FGF12: variants seen among roughly 807,000 people sequenced by gnomAD.
FGF12 encodes fibroblast growth factor 12, also known as fibroblast growth factor 12B.
Under a neutral mutation model 23.6 loss-of-function variants are expected in FGF12, and 14 were observed. The ratio of observed to expected loss-of-function variants is 0.59; its 90% CI spans 0.39 to 0.93. The LOEUF is 0.93. Among genes scored for constraint, FGF12 ranks in the 40% least tolerant of loss-of-function variants. The pLI, the probability that FGF12 is intolerant of heterozygous loss-of-function variation, is 0.00. For synonymous variants in FGF12, 62 were observed against 77.3 expected (o/e 0.80, Z 1.04); for missense variants, 175 against 217.8 (o/e 0.80, Z 1.24).
intron 2 of FGF12, among the ~76,000 whole-genome samples, chr3:192,470,506 G>A (rs111307310): frequency 2.2e-4 from 34 of 152,044 alleles, no homozygotes; most frequent in African/African-American, 7.2e-4. Flanking sequence ...CTCCTGCCTC[G>A]GCCCCCCGAA....
In FGF12 at chr3:192,632,922, C is replaced by T. The variant is rs1332228359; in HGVS notation, c.13+94259G>A. Reference sequence around the variant, plus strand: ...TATTCCATGCCTCTCTCCTAGCTTCCGGTGGTTGCAGGCAATACTTGGTGT... The same window carrying T: ...TATTCCATGCCTCTCTCCTAGCTTCTGGTGGTTGCAGGCAATACTTGGTGT... On this transcript the variant is annotated intron_variant, in intron 2 of 5. Transcript: ENST00000445105. Among the ~76,000 whole-genome samples, 8 of 152,200 alleles carry T rather than the reference C, an allele frequency of 5.3e-5. No individual in the cohort carries two copies. The South Asian group carries it at 1.2e-3, about 24-fold the overall frequency.
At chr3:192,159,515 A>G (rs1380478004) in intron 5 of FGF12, among the ~76,000 whole-genome samples, 1 of 152,200 alleles carries the variant, frequency 6.6e-6, no homozygotes, top group Non-Finnish European at 1.5e-5. Context: ...CAGTGTGAAG[A>G]AACTAGGGAA....
intron 2 of FGF12, chr3:192,515,628 C>T (rs1282778425): frequency 6.6e-6 from 1 of 152,460 alleles, no homozygotes. Flanking sequence ...CCTAGAAAAG[C>T]TTAGCATAGG....
chr3:192,524,811 G>A (rs1271377672), intron 2 of FGF12, among the ~76,000 whole-genome samples: 1 of 151,998 alleles, frequency 6.6e-6, no homozygotes, highest in Non-Finnish European at 1.5e-5. Flanking sequence ...GAGGCTATAT[G>A]TACTACCTTC....
chr3:192,396,501 A>C (rs1720524726), intron 2 of FGF12, among the ~76,000 whole-genome samples: 2 of 152,244 alleles, frequency 1.3e-5, no homozygotes, highest in South Asian at 4.1e-4. Context: ...GCTTATCGCA[A>C]ATTTCAGTCC....
chr3:192,500,437 T>TCCCC (rs34993789), intron 2 of FGF12, among the ~76,000 whole-genome samples: 2 of 145,252 alleles, frequency 1.4e-5, no homozygotes, highest in African/African-American at 5.1e-5. Context: ...AAATCCAACA[T>TCCCC]CCCCCCACCC....
At position 192,714,513 on chromosome 3, in the gene FGF12, A is replaced by ATTTTTTTTTTTTTTTTTTTTTTT. The variant is rs770781442; in HGVS notation, c.13+12645_13+12667dup. ...CTTATTTATAGATCTTAAGGAAATA[A>ATTTTTTTTTTTTTTTTTTTTTTT]TTTTTTTTTTTTTTTTTTTTTTTGA... is the stretch of plus-strand genomic sequence containing the variant. On this transcript the variant is annotated intron_variant, in intron 2 of 5. Coordinates refer to ENST00000445105, the MANE Select transcript of FGF12 (RefSeq NM_004113.6). Among the ~76,000 whole-genome samples, 34 of 99,750 alleles carry ATTTTTTTTTTTTTTTTTTTTTTT rather than the reference A, an allele frequency of 3.4e-4. 2 individuals carry two copies. The highest frequency in any genetic ancestry group is 1.6e-3 in the East Asian group (5 of 3,152). 65.4% of individuals were successfully genotyped at this position (99,750 alleles called of 152,430 possible).
chr3:192,220,376 C>T (rs907147156), intron 4 of FGF12, among the ~76,000 whole-genome samples: 16 of 152,164 alleles, frequency 1.1e-4, no homozygotes, highest in African/African-American at 3.9e-4. Flanking sequence ...AACTTTCCTA[C>T]TCCATATTGA....
intron 2 of FGF12, 101 bp downstream of exon 2, chr3:192,727,080 G>A: frequency 2.1e-6 from 3 of 1,423,816 alleles, no homozygotes; most frequent in Non-Finnish European, 2.9e-6. Context: ...TATCGACCTA[G>A]TATGATGCTC....
intron 2 of FGF12, among the ~76,000 whole-genome samples, chr3:192,634,572 C>T (rs2108659102): frequency 6.6e-6 from 1 of 152,212 alleles, no homozygotes; most frequent in East Asian, 1.9e-4. Flanking sequence ...CACACACATT[C>T]ACATCCACCT....
chr3:192,325,160 G>C (rs565596185), intron 4 of FGF12, among the ~76,000 whole-genome samples: 1 of 152,174 alleles, frequency 6.6e-6, no homozygotes, highest in South Asian at 2.1e-4. Context: ...AGGTTCTTGG[G>C]TTGACAGAAT....
chr3:192,377,038 C>A (rs1560091199), intron 2 of FGF12, among the ~76,000 whole-genome samples: 1 of 152,208 alleles, frequency 6.6e-6, no homozygotes, highest in African/African-American at 2.4e-5. Context: ...TCCAACTTAA[C>A]AAGGAGAGTT....
At chr3:192,632,232 CATG>C (rs1715415577) in intron 2 of FGF12, among the ~76,000 whole-genome samples, 1 of 152,128 alleles carries the variant, frequency 6.6e-6, no homozygotes, top group Non-Finnish European at 1.5e-5. Context: ...AAAACCAGAG[CATG>C]GAATTCAACA....
intron 2 of FGF12, among the ~76,000 whole-genome samples, chr3:192,513,881 C>G (rs1036726048): frequency 6.6e-6 from 1 of 152,100 alleles, no homozygotes; most frequent in Non-Finnish European, 1.5e-5. Context: ...TTATACAAAC[C>G]TTTTAAAGAA....
At chr3:192,512,442 A>G (rs1017550608) in intron 2 of FGF12, among the ~76,000 whole-genome samples, 1 of 152,124 alleles carries the variant, frequency 6.6e-6, no homozygotes, top group Admixed American at 6.5e-5. Flanking sequence ...TAAAGTTCTT[A>G]TAACAGTGCC....
At chr3:192,374,930 A>T (rs578041264) in intron 2 of FGF12, among the ~76,000 whole-genome samples, 2 of 152,342 alleles carry the variant, frequency 1.3e-5, no homozygotes, top group Non-Finnish European at 2.9e-5. Context: ...AAACCATTAC[A>T]GTCATCTCTT....
chr3:192,428,179 A>G (rs1394883966), intron 2 of FGF12, among the ~76,000 whole-genome samples: 1 of 152,200 alleles, frequency 6.6e-6, no homozygotes, highest in African/African-American at 2.4e-5. Context: ...GTTTTGCCAA[A>G]GGAAAGGCAG....
At chr3:192,603,936 C>A (rs1714228017) in intron 2 of FGF12, among the ~76,000 whole-genome samples, 1 of 152,098 alleles carries the variant, frequency 6.6e-6, no homozygotes, top group Non-Finnish European at 1.5e-5. Flanking sequence ...CTGCAGAAGA[C>A]CAGGGCGTAT....
At chr3:192,721,984 T>A (rs1346911572) in intron 2 of FGF12, among the ~76,000 whole-genome samples, 1 of 152,174 alleles carries the variant, frequency 6.6e-6, no homozygotes, top group Non-Finnish European at 1.5e-5. Flanking sequence ...ATGCTAGAAA[T>A]CAACAGCTCT....
Sources: allele counts gnomAD v4.1 joint callset (sites outside exome capture counted in the v4.1 genomes callset), GRCh38; gene constraint gnomAD v4.1.1; transcripts MANE v1.5; gene names NCBI Gene and HGNC (gene_info 2026-07-23, HGNC 2026-07-21).